The following RARB variants were observed in gnomAD, a reference collection of about 807,000 sequenced individuals.
The protein encoded by RARB is HBV-activated protein.
RARB carries 17 observed loss-of-function variants against 51.9 expected under a neutral mutation model. The ratio of observed to expected loss-of-function variants is 0.33; its 90% CI spans 0.22 to 0.49. The LOEUF (loss-of-function observed/expected upper bound fraction) is 0.49, where lower values mean the gene tolerates loss of function less well. Ranked by LOEUF, RARB falls within the 20% of genes least tolerant of loss-of-function variation. The pLI is 0.99. For synonymous variants in RARB, 215 were observed against 195.4 expected, an observed-to-expected ratio of 1.10 and a Z score of -0.84; for missense variants, 369 against 550.8, an observed-to-expected ratio of 0.67 and a Z score of 3.30.
chr3:25,321,081 A>C (rs866038150), intron 5 of RARB, among the ~76,000 whole-genome samples: 62 of 152,238 alleles, frequency 4.1e-4, no homozygotes, highest in African/African-American at 1.3e-3. Flanking sequence ...CCGGTGTGGA[A>C]CTCTGTGTTT....
intron 3 of RARB, among the ~76,000 whole-genome samples, chr3:25,545,001 G>A (rs771139824): frequency 4.6e-5 from 7 of 152,056 alleles, no homozygotes; most frequent in Admixed American, 6.6e-5. Flanking sequence ...TCGTTCTGTC[G>A]CCCAGGCTGG....
intron 3 of RARB, among the ~76,000 whole-genome samples, chr3:25,064,309 ATC>A (rs1421032662): frequency 5.3e-5 from 8 of 152,112 alleles, no homozygotes; most frequent in African/African-American, 1.9e-4. Flanking sequence ...TACAAAAGAG[ATC>A]TCTCAATTTT....
intron 5 of RARB, among the ~76,000 whole-genome samples, chr3:25,326,858 C>CT (rs984382365): frequency 1.7e-4 from 26 of 151,480 alleles, no homozygotes; most frequent in African/African-American, 5.8e-4. Flanking sequence ...TATTATTATA[C>CT]TTTAACTTTT....
At chr3:25,056,963 G>C (rs1442149381) in intron 2 of RARB, among the ~76,000 whole-genome samples, 1 of 152,056 alleles carries the variant, frequency 6.6e-6, no homozygotes, top group Non-Finnish European at 1.5e-5. Flanking sequence ...CATATGGTTA[G>C]TGTATGAGCC....
intron 2 of RARB, among the ~76,000 whole-genome samples, chr3:25,039,784 T>A (rs1698075602): frequency 6.6e-6 from 1 of 152,206 alleles, no homozygotes; most frequent in Non-Finnish European, 1.5e-5. Context: ...AGCTGTCAAC[T>A]GTGGGCATAG....
intron 2 of RARB, among the ~76,000 whole-genome samples, chr3:24,972,941 G>T (rs1318976917): frequency 6.6e-6 from 1 of 151,882 alleles, no homozygotes; most frequent in African/African-American, 2.4e-5. Flanking sequence ...TCTTCAATTT[G>T]GTTGTTTCCT....
chr3:25,070,163 G>A (rs2125308022), intron 3 of RARB, among the ~76,000 whole-genome samples: 1 of 152,250 alleles, frequency 6.6e-6, no homozygotes, highest in South Asian at 2.1e-4. Flanking sequence ...CCAGCGCATG[G>A]CGTTCTCCCT....
rs958242130 is a variant in RARB at position 25,256,497 on chromosome 3, G to C, written c.178+81922G>C. 2.0e-5 allele frequency among the ~76,000 whole-genome samples: 3 copies of C among 152,278 alleles called. No individual in the cohort carries two copies. The South Asian group carries it at 6.2e-4, about 32-fold the overall frequency. ...AATAAATAAGAAGAAATTGATTGAAGAGAGAGATCCTTTAAAGGATGTCCA... is the reference window on the plus strand; with the variant it reads ...AATAAATAAGAAGAAATTGATTGAACAGAGAGATCCTTTAAAGGATGTCCA... On this transcript the variant is annotated intron_variant, in intron 5 of 11. Transcript: ENST00000383772.
chr3:25,527,378 G>A (rs974208937), intron 3 of RARB, among the ~76,000 whole-genome samples: 3 of 152,220 alleles, frequency 2.0e-5, no homozygotes, highest in African/African-American at 7.2e-5. Context: ...GACCTAGCTG[G>A]CGAGGCCTGC....
At chr3:25,545,666 A>T (rs1290085749) in intron 3 of RARB, among the ~76,000 whole-genome samples, 1 of 152,116 alleles carries the variant, frequency 6.6e-6, no homozygotes, top group Non-Finnish European at 1.5e-5. Context: ...CCTGTCCTGC[A>T]GCTCCTCCCT....
chr3:24,873,588 C>T (rs1702986855), intron 2 of RARB, among the ~76,000 whole-genome samples: 1 of 151,408 alleles, frequency 6.6e-6, no homozygotes, highest in South Asian at 2.1e-4. Context: ...TTCTTCAATT[C>T]CTGTCCATAT....
At position 25,569,843 on chromosome 3, in the gene RARB, C is replaced by T. The variant is rs778067457; in HGVS notation, c.534C>T (p.Asp178=). 26 of 1,614,060 alleles carry T rather than the reference C, an allele frequency of 1.6e-5. No homozygotes were observed. The highest frequency in any genetic ancestry group is 1.1e-4 in the South Asian group (10 of 91,090). ...TESYEMTAEL[D]DLTEKIRKAH... The stretch of plus-strand genomic sequence containing the variant: ...GCTATGAAATGACAGCTGAGTTGGA[C>T]GATCTCACAGAGAAGATCCGAAAAG... Residue 178 remains aspartate, a synonymous_variant, in exon 4 of 8, where the codon GAC becomes GAT. Coordinates refer to ENST00000330688, the MANE Select transcript of RARB (RefSeq NM_000965.5).
At chr3:25,359,894 A>C (rs1004804660) in intron 5 of RARB, among the ~76,000 whole-genome samples, 1 of 152,136 alleles carries the variant, frequency 6.6e-6, no homozygotes, top group East Asian at 1.9e-4. Context: ...TTTACTTCCA[A>C]TTATGTGGTT....
At chr3:25,516,731 A>T (rs1487870159) in intron 3 of RARB, among the ~76,000 whole-genome samples, 2 of 150,656 alleles carry the variant, frequency 1.3e-5, no homozygotes, top group Non-Finnish European at 2.9e-5. Context: ...GGTTCAAGTG[A>T]TTCTCGTGCC....
intron 5 of RARB, among the ~76,000 whole-genome samples, chr3:25,194,659 T>G (rs1701188584): frequency 6.6e-6 from 1 of 151,564 alleles, no homozygotes; most frequent in East Asian, 1.9e-4. Flanking sequence ...TTTTTTTAAT[T>G]TAAGTCTCCA....
intron 2 of RARB, among the ~76,000 whole-genome samples, chr3:24,906,798 T>C (rs1282863164): frequency 1.4e-5 from 2 of 144,132 alleles, no homozygotes; most frequent in African/African-American, 5.3e-5. Flanking sequence ...TGAGCTGAGA[T>C]TGTGCCACTG....
At chr3:24,986,936 A>G (rs183436205) in intron 2 of RARB, among the ~76,000 whole-genome samples, 256 of 151,424 alleles carry the variant, frequency 1.7e-3, no homozygotes, top group African/African-American at 6.0e-3. Context: ...TAGCCTATGA[A>G]AATCTCATAA....
intron 5 of RARB, among the ~76,000 whole-genome samples, chr3:25,319,387 G>C (rs1704507547): frequency 6.6e-6 from 1 of 152,182 alleles, no homozygotes; most frequent in African/African-American, 2.4e-5. Flanking sequence ...CCCTTCTGTG[G>C]AATGGCCATG....
intron 5 of RARB, among the ~76,000 whole-genome samples, chr3:25,318,981 T>C (rs1704495490): frequency 6.6e-6 from 1 of 152,232 alleles, no homozygotes; most frequent in Admixed American, 6.5e-5. Flanking sequence ...TCCATGTTTA[T>C]GTTTGATCAC....
Sources: allele counts gnomAD v4.1 joint callset (sites outside exome capture counted in the v4.1 genomes callset), GRCh38; gene constraint gnomAD v4.1.1; transcripts MANE v1.5; gene names NCBI Gene and HGNC (gene_info 2026-07-23, HGNC 2026-07-21).